RGS6: variants seen among roughly 807,000 people sequenced by gnomAD.
RGS6 encodes regulator of G protein signaling 6.
Under a neutral mutation model 78.5 loss-of-function variants are expected in RGS6, and 30 were observed. That is an observed-to-expected ratio of 0.38 (90% CI 0.29 to 0.52). The LOEUF is 0.52. Ranked by LOEUF, RGS6 falls within the 20% of genes least tolerant of loss-of-function variation. The pLI is 0.85. For missense variants in RGS6, 495 were observed against 609.7 expected (o/e 0.81, Z 1.98); for synonymous variants, 206 against 206.0 (o/e 1.00, Z 0.00).
chr14:71,964,950 C>T (rs2093427036), intron 2 of RGS6, 75 bp downstream of exon 2: 2 of 1,078,544 alleles, frequency 1.9e-6, no homozygotes, highest in Non-Finnish European at 2.6e-6. Context: ...GATAAAAAGA[C>T]AAATGTTTTC....
At chr14:72,588,354 G>A in the RGS6 span, among the ~76,000 whole-genome samples, 4 of 152,184 alleles carry the variant, frequency 2.6e-5, no homozygotes, top group Non-Finnish European at 5.9e-5. Flanking sequence ...TCCTGAGCTC[G>A]TGAGAGACGC....
At chr14:72,238,856 T>C (rs1036101241) in intron 2 of RGS6, among the ~76,000 whole-genome samples, 1 of 152,144 alleles carries the variant, frequency 6.6e-6, no homozygotes, top group Non-Finnish European at 1.5e-5. Context: ...AAAACACTCA[T>C]ACAACCTGTT....
chr14:72,381,346 T>C (rs1257331465), intron 3 of RGS6, among the ~76,000 whole-genome samples: 1 of 152,116 alleles, frequency 6.6e-6, no homozygotes, highest in Admixed American at 6.6e-5. Flanking sequence ...TGATAGACTA[T>C]GCTAATTACT....
intron 3 of RGS6, among the ~76,000 whole-genome samples, chr14:72,449,628 A>T (rs753062058): frequency 6.6e-6 from 1 of 152,232 alleles, no homozygotes; most frequent in Non-Finnish European, 1.5e-5. Flanking sequence ...CCAGGAAAAG[A>T]TCACTGCGTC....
intron 2 of RGS6, among the ~76,000 whole-genome samples, chr14:71,973,079 C>T (rs541454880): frequency 6.6e-6 from 1 of 152,128 alleles, no homozygotes; most frequent in Non-Finnish European, 1.5e-5. Context: ...TATGGCCATG[C>T]GTAAGTTGTT....
intron 15 of RGS6, among the ~76,000 whole-genome samples, chr14:72,529,546 G>A (rs1031497924): frequency 6.6e-6 from 1 of 152,154 alleles, no homozygotes; most frequent in African/African-American, 2.4e-5. Flanking sequence ...TGACCCACAT[G>A]GGCCTCCTGA....
intron 17 of RGS6, chr14:72,541,369 C>A (rs970781501): frequency 2.9e-6 from 4 of 1,398,570 alleles, no homozygotes; most frequent in Non-Finnish European, 3.8e-6. Flanking sequence ...TACATGTAAA[C>A]CTCAAATAAC....
At chr14:72,517,836 G>T (rs556444204) in intron 14 of RGS6, among the ~76,000 whole-genome samples, 2 of 152,186 alleles carry the variant, frequency 1.3e-5, no homozygotes, top group Non-Finnish European at 2.9e-5. Context: ...TTGACAAAGG[G>T]TCTCACACTG....
chr14:72,076,873 T>A (rs1424554535), intron 2 of RGS6, among the ~76,000 whole-genome samples: 2 of 151,670 alleles, frequency 1.3e-5, no homozygotes, highest in Non-Finnish European at 2.9e-5. Context: ...AAAATTTGGC[T>A]ATCTATAGTC....
intron 2 of RGS6, among the ~76,000 whole-genome samples, chr14:72,147,451 C>T (rs900320621): frequency 3.9e-5 from 6 of 152,166 alleles, no homozygotes; most frequent in African/African-American, 1.4e-4. Flanking sequence ...AGAACATGTG[C>T]ACAAGAGAGA....
intron 2 of RGS6, among the ~76,000 whole-genome samples, chr14:72,255,748 A>G (rs1462715934): frequency 6.6e-6 from 1 of 152,234 alleles, no homozygotes; most frequent in Non-Finnish European, 1.5e-5. Flanking sequence ...TACTTTATAT[A>G]TGAAAGAGCA....
intron 3 of RGS6, among the ~76,000 whole-genome samples, chr14:72,391,453 T>C (rs947416753): frequency 3.9e-5 from 6 of 152,202 alleles, no homozygotes; most frequent in African/African-American, 7.2e-5. Flanking sequence ...CTGTGTGCCA[T>C]TGGGGTGGGC....
intron 2 of RGS6, among the ~76,000 whole-genome samples, chr14:72,009,852 T>C (rs2085317867): frequency 6.6e-6 from 1 of 152,236 alleles, no homozygotes; most frequent in Non-Finnish European, 1.5e-5. Flanking sequence ...AAGAAATATT[T>C]GTTGAGTGAC....
At chr14:72,440,614 T>C (rs2095156219) in intron 3 of RGS6, among the ~76,000 whole-genome samples, 1 of 152,058 alleles carries the variant, frequency 6.6e-6, no homozygotes, top group Non-Finnish European at 1.5e-5. Flanking sequence ...GGTTTCACCA[T>C]GTTGGCCAGG....
At chr14:72,345,334 G>T (rs774843851) in intron 2 of RGS6, among the ~76,000 whole-genome samples, 4 of 152,212 alleles carry the variant, frequency 2.6e-5, no homozygotes, top group Non-Finnish European at 5.9e-5. Flanking sequence ...CATCTTTGGA[G>T]ATTGGATTTT....
chr14:72,363,272 G>A (rs1441999834), intron 3 of RGS6, among the ~76,000 whole-genome samples: 2 of 152,218 alleles, frequency 1.3e-5, no homozygotes, highest in Admixed American at 6.5e-5. Flanking sequence ...TAAGCAGGAA[G>A]AAATGAGGAG....
At chr14:72,485,998 G>A (rs961806915) in intron 12 of RGS6, among the ~76,000 whole-genome samples, 1 of 152,248 alleles carries the variant, frequency 6.6e-6, no homozygotes, top group East Asian at 1.9e-4. Flanking sequence ...CACACGTGAT[G>A]GGAGGGACCC....
intron 2 of RGS6, among the ~76,000 whole-genome samples, chr14:72,331,248 C>CAA (rs55899915): frequency 0.041 from 5,216 of 128,552 alleles, 299 homozygotes; most frequent in African/African-American, 0.13. Context: ...CCCTGTCGTT[C>CAA]AAAAAAAAAA....
chr14:72,400,208 C>A (rs1219227554), intron 3 of RGS6, among the ~76,000 whole-genome samples: 1 of 152,136 alleles, frequency 6.6e-6, no homozygotes, highest in Non-Finnish European at 1.5e-5. Context: ...ACTCTCTAAG[C>A]CAGAAGAGAG....
Sources: allele counts gnomAD v4.1 joint callset (sites outside exome capture counted in the v4.1 genomes callset), GRCh38; gene constraint gnomAD v4.1.1; transcripts MANE v1.5; gene names NCBI Gene and HGNC (gene_info 2026-07-23, HGNC 2026-07-21).